The following TNKS2 variants were observed in gnomAD, a reference collection of about 807,000 sequenced individuals.
The protein encoded by TNKS2 is poly [ADP-ribose] polymerase tankyrase-2.
Under a neutral mutation model 137.6 loss-of-function variants are expected in TNKS2, and 72 were observed. The ratio of observed to expected loss-of-function variants is 0.52; its 90% CI spans 0.43 to 0.64. The LOEUF (loss-of-function observed/expected upper bound fraction) is 0.64. Among genes scored for constraint, TNKS2 ranks in the 30% least tolerant of loss-of-function variants. The probability of loss-of-function intolerance (pLI) is 0.00; values close to 1 mark genes in which losing one functional copy is unlikely to be tolerated. For missense variants in TNKS2, 1,049 were observed against 1,410.2 expected, an observed-to-expected ratio of 0.74 and a Z score of 4.10; for synonymous variants, 516 against 512.1, an observed-to-expected ratio of 1.01 and a Z score of -0.10.
chr10:91,839,087 G>A (rs558717603), intron 13 of TNKS2, among the ~76,000 whole-genome samples: 15 of 151,934 alleles, frequency 9.9e-5, no homozygotes, highest in African/African-American at 1.4e-4. Flanking sequence ...GGCTGGTCTC[G>A]AACTCCTGAC....
chr10:91,819,454 A>G, intron 4 of TNKS2, 28 bp from the exon 5 acceptor site: 1 of 1,548,202 alleles, frequency 6.5e-7, no homozygotes, highest in Middle Eastern at 1.7e-4. Context: ...GAAGAATGCA[A>G]ATTACTAATA....
intron 22 of TNKS2, 110 bp downstream of exon 22, chr10:91,855,236 A>G (rs1842670546): frequency 1.4e-6 from 1 of 721,314 alleles, no homozygotes. Flanking sequence ...TTCACCTATA[A>G]AATCTGTTTT....
At chr10:91,855,456 G>T (rs1265810453) in intron 22 of TNKS2, among the ~76,000 whole-genome samples, 158 bp from the exon 23 acceptor site, 1 of 152,136 alleles carries the variant, frequency 6.6e-6, no homozygotes, top group Non-Finnish European at 1.5e-5. Context: ...CCAAAGTGGG[G>T]CACCATGCCC....
intron 20 of TNKS2, among the ~76,000 whole-genome samples, chr10:91,850,310 G>T (rs79461842): frequency 0.093 from 14,013 of 150,058 alleles, 737 homozygotes; most frequent in East Asian, 0.19. Flanking sequence ...AGAGGTTGCA[G>T]TGAGCCAAGA....
At chr10:91,813,571 A>G (rs911852506) in intron 2 of TNKS2, among the ~76,000 whole-genome samples, 2 of 152,176 alleles carry the variant, frequency 1.3e-5, no homozygotes, top group Admixed American at 1.3e-4. Context: ...TGAGAAAGGG[A>G]AAGTCTTTCC....
intron 7 of TNKS2, among the ~76,000 whole-genome samples, chr10:91,826,809 G>A (rs1044701744): frequency 6.6e-6 from 1 of 152,224 alleles, no homozygotes; most frequent in Non-Finnish European, 1.5e-5. Flanking sequence ...AAGTAGAAAA[G>A]TTAAGTAGAC....
rs1442291828 is a variant in TNKS2, at chr10:91,864,009, T to G, written c.*1010T>G. ...GGAAAAAAAAAATCACAAACAGGAC[T>G]GGGTAGTTTTTTATCCTAAGTATAT... On this transcript the variant is annotated 3_prime_UTR_variant, in exon 27 of 27. Transcript: ENST00000371627. The G allele has an allele frequency of 1.3e-5, 2 of 152,074 alleles. No individual in the cohort carries two copies. The highest frequency in any genetic ancestry group is 2.9e-5 in the Non-Finnish European group (2 of 68,006). 9.4% of individuals were successfully genotyped at this position (152,074 alleles called of 1,614,324 possible).
chr10:91,817,388 C>T (rs1049283613), intron 3 of TNKS2, among the ~76,000 whole-genome samples, 159 bp downstream of exon 3: 1 of 152,202 alleles, frequency 6.6e-6, no homozygotes, highest in African/African-American at 2.4e-5. Flanking sequence ...ACATTTTATT[C>T]TCCTCTAAGA....
intron 23 of TNKS2, 35 bp downstream of exon 23, chr10:91,855,723 T>C (rs1184795588): frequency 1.3e-6 from 2 of 1,524,036 alleles, no homozygotes; most frequent in Non-Finnish European, 1.8e-6. Flanking sequence ...TTTCTGAGAC[T>C]GTCGTTTTCA....
chr10:91,855,345 G>GTTT (rs1426104508), intron 22 of TNKS2, among the ~76,000 whole-genome samples: 1 of 151,646 alleles, frequency 6.6e-6, no homozygotes, highest in Non-Finnish European at 1.5e-5. Flanking sequence ...GTTTGTTTTT[G>GTTT]TTTTTGTTTT....
intron 13 of TNKS2, among the ~76,000 whole-genome samples, chr10:91,837,426 C>G (rs957128846): frequency 1.3e-5 from 2 of 152,168 alleles, no homozygotes; most frequent in Admixed American, 1.3e-4. Flanking sequence ...TCTAGGGATC[C>G]AGGGCTTAGT....
chr10:91,817,170 A>G lies in TNKS2; in HGVS notation c.461A>G (p.Asn154Ser). The G allele has an allele frequency of 6.2e-7, 1 of 1,613,832 alleles. No homozygotes were observed. The highest frequency in any genetic ancestry group is 8.5e-7 in the Non-Finnish European group (1 of 1,179,876). ...LQHGAEPTIR[N>S]TDGRTALDLA... ...CATGGAGCTGAGCCAACCATCCGAA[A>G]TACAGATGGAAGGACAGCATTGGAT... The change falls in exon 3 of 27, where the codon AAT (asparagine) becomes AGT (serine). Residue 154 changes from asparagine (N) to serine (S), a missense_variant. Coordinates refer to ENST00000371627, the MANE Select transcript of TNKS2 (RefSeq NM_025235.4).
At chr10:91,836,232 T>G (rs1389399771) in intron 12 of TNKS2, among the ~76,000 whole-genome samples, 2 of 151,984 alleles carry the variant, frequency 1.3e-5, no homozygotes, top group African/African-American at 4.8e-5. Context: ...GCCAATTTTC[T>G]TTTTTTGATG....
At position 91,836,289 on chromosome 10, in the gene TNKS2, G is replaced by A. The variant is rs147209949; in HGVS notation, c.1448-630G>A. Among the ~76,000 whole-genome samples, 34 of 151,750 alleles carry A rather than the reference G, an allele frequency of 2.2e-4. 1 individual carries two copies. The highest frequency in any genetic ancestry group is 8.0e-4 in the African/African-American group (33 of 41,382). On this transcript the variant is annotated intron_variant, in intron 12 of 26. Transcript: ENST00000371627. ...AAGAAGCTTTTTTATTCCATGTTAT[G>A]AAAATATTCCCCCGTTTTCTTCTAG...
At chr10:91,809,544 T>G (rs916997156) in intron 1 of TNKS2, among the ~76,000 whole-genome samples, 2 of 151,948 alleles carry the variant, frequency 1.3e-5, no homozygotes, top group African/African-American at 4.8e-5. Context: ...CGGGCGCCTG[T>G]AGTCCCAGCT....
chr10:91,820,130 C>T, intron 6 of TNKS2, 97 bp downstream of exon 6: 1 of 771,836 alleles, frequency 1.3e-6, no homozygotes, highest in Non-Finnish European at 1.9e-6. Flanking sequence ...TACTAAATAA[C>T]ATTAATATAT....
intron 17 of TNKS2, 87 bp from the exon 18 acceptor site, chr10:91,845,665 G>A: frequency 2.8e-6 from 3 of 1,087,722 alleles, no homozygotes; most frequent in Non-Finnish European, 3.7e-6. Context: ...TGAAAATGTG[G>A]AAGTAGGTAC....
At chr10:91,809,321 C>T (rs1844424820) in intron 1 of TNKS2, among the ~76,000 whole-genome samples, 1 of 152,166 alleles carries the variant, frequency 6.6e-6, no homozygotes, top group South Asian at 2.1e-4. Flanking sequence ...CTATGGTGTT[C>T]ACATGAACCA....
At chr10:91,798,910 C>G in intron 1 of TNKS2, 21 bp downstream of exon 1, 4 of 1,375,150 alleles carry the variant, frequency 2.9e-6, no homozygotes, top group South Asian at 1.7e-5. Flanking sequence ...CCAGCGTCCC[C>G]TCGCCTCGCT....
Sources: gnomAD v4.1 joint callset for allele counts (sites outside exome capture counted in the v4.1 genomes callset) on GRCh38, gnomAD v4.1.1 for gene constraint, MANE v1.5 for transcripts, NCBI Gene and HGNC (gene_info 2026-07-23, HGNC 2026-07-21) for gene names.